The following NELL1 variants were observed in gnomAD, a reference collection of about 807,000 sequenced individuals.
The protein encoded by NELL1 is protein kinase C-binding protein NELL1.
Under a neutral mutation model 107.4 loss-of-function variants are expected in NELL1, and 76 were observed. That is an observed-to-expected ratio of 0.71 (90% confidence interval 0.59 to 0.86). The LOEUF is 0.86. Among genes scored for constraint, NELL1 ranks in the 40% least tolerant of loss-of-function variants. NELL1 has a pLI of 0.00. For synonymous variants in NELL1, 353 were observed against 341.2 expected, an observed-to-expected ratio of 1.03 and a Z score of -0.38; for missense variants, 1,024 against 1,005.5, an observed-to-expected ratio of 1.02 and a Z score of -0.25.
At chr11:20,938,850 A>T (rs1361208700) in intron 10 of NELL1, among the ~76,000 whole-genome samples, 1 of 151,836 alleles carries the variant, frequency 6.6e-6, no homozygotes, top group Non-Finnish European at 1.5e-5. Flanking sequence ...CAATGGACCT[A>T]GTTTGGACTT....
At chr11:21,554,802 G>A (rs1021099225) in intron 16 of NELL1, among the ~76,000 whole-genome samples, 1 of 151,810 alleles carries the variant, frequency 6.6e-6, no homozygotes, top group African/African-American at 2.4e-5. Context: ...ATAAATTGCA[G>A]GGATGGACTG....
chr11:21,392,614 G>A (rs11026063), intron 15 of NELL1, among the ~76,000 whole-genome samples: 78,350 of 151,528 alleles, frequency 0.52, 20,391 homozygotes, highest in South Asian at 0.61. Context: ...CCTTAGTTCT[G>A]AAACTGTTTC....
chr11:20,824,897 C>T (rs899707256), intron 3 of NELL1, among the ~76,000 whole-genome samples: 4 of 151,320 alleles, frequency 2.6e-5, no homozygotes, highest in Admixed American at 6.6e-5. Flanking sequence ...CAGCTGCAGA[C>T]ATTTGCATAA....
intron 4 of NELL1, among the ~76,000 whole-genome samples, chr11:20,854,854 A>G (rs540818009): frequency 1.3e-5 from 2 of 152,346 alleles, no homozygotes; most frequent in South Asian, 4.1e-4. Flanking sequence ...CTGAAGTAAA[A>G]GAAGCCTTGG....
At chr11:21,081,779 T>C (rs1854275582) in intron 12 of NELL1, among the ~76,000 whole-genome samples, 1 of 152,170 alleles carries the variant, frequency 6.6e-6, no homozygotes, top group Non-Finnish European at 1.5e-5. Context: ...TCCAATCTAA[T>C]GCAGCCAGAG....
intron 14 of NELL1, among the ~76,000 whole-genome samples, chr11:21,337,756 C>G (rs1184389229): frequency 7.1e-6 from 1 of 141,752 alleles, no homozygotes; most frequent in Non-Finnish European, 1.5e-5. Context: ...TTCTTTCTTT[C>G]TTTCTTTCTT....
Position 21,272,090 on chromosome 11 carries a change from G to A in NELL1, c.1549+42636G>A, listed in dbSNP as rs146975704. The stretch of plus-strand genomic sequence containing the variant: ...GGGTGCAGTGCACCGAGCATGAGCC[G>A]AAGCAGGGCAAGGCATCGCCTCACC... On this transcript the variant is annotated intron_variant, in intron 14 of 19. Coordinates refer to ENST00000357134, the MANE Select transcript of NELL1 (RefSeq NM_006157.5). 5.2e-3 allele frequency among the ~76,000 whole-genome samples: 793 copies of A among 152,264 alleles called. 32 individuals are homozygous for A. In the East Asian group the frequency reaches 0.096, roughly 19 times the overall value.
intron 3 of NELL1, among the ~76,000 whole-genome samples, chr11:20,809,022 A>C (rs1277154779): frequency 6.6e-6 from 1 of 151,772 alleles, no homozygotes; most frequent in Non-Finnish European, 1.5e-5. Context: ...ATAGCTATTA[A>C]ATTTGGTGTT....
At chr11:20,888,204 G>A (rs373551130) in intron 5 of NELL1, among the ~76,000 whole-genome samples, 1 of 151,934 alleles carries the variant, frequency 6.6e-6, no homozygotes, top group East Asian at 1.9e-4. Flanking sequence ...GGAAAATATT[G>A]TTAAAATAAT....
intron 14 of NELL1, among the ~76,000 whole-genome samples, chr11:21,229,716 G>A (rs1309260835): frequency 6.6e-6 from 1 of 152,188 alleles, no homozygotes; most frequent in East Asian, 1.9e-4. Context: ...TTGCCTGTTG[G>A]CATGAGTTTG....
intron 2 of NELL1, among the ~76,000 whole-genome samples, chr11:20,738,747 A>T (rs1339998354): frequency 1.3e-5 from 2 of 152,180 alleles, no homozygotes; most frequent in African/African-American, 4.8e-5. Flanking sequence ...CAATGAGGTA[A>T]TGCCTGGGGA....
rs546478198 is a variant in NELL1, at chr11:20,878,281, C to A, written c.507-7163C>A. Among the ~76,000 whole-genome samples, 651 of 142,246 alleles carry A rather than the reference C, an allele frequency of 4.6e-3. 3 individuals are homozygous for A. The highest frequency in any genetic ancestry group is 6.3e-3 in the Non-Finnish European group (416 of 66,416). 93.3% of individuals were successfully genotyped at this position (142,246 alleles called of 152,430 possible). ...AGGCTGAGGCAGGAAATGGTGTGAA[C>A]CCGTGAGGTGGAGCTTGCAGTGAGC... On this transcript the variant is annotated intron_variant, in intron 4 of 19. Coordinates refer to ENST00000357134, the MANE Select transcript of NELL1 (RefSeq NM_006157.5).
At chr11:20,741,452 A>T (rs989467145) in intron 2 of NELL1, among the ~76,000 whole-genome samples, 1 of 152,162 alleles carries the variant, frequency 6.6e-6, no homozygotes, top group Non-Finnish European at 1.5e-5. Flanking sequence ...TTGTGATTAA[A>T]CTGACCTCCA....
chr11:21,257,355 A>T (rs1376159400), intron 14 of NELL1, among the ~76,000 whole-genome samples: 2 of 152,052 alleles, frequency 1.3e-5, no homozygotes, highest in Admixed American at 6.6e-5. Flanking sequence ...AAATGTAGTT[A>T]GGATTTTATG....
At chr11:21,527,911 T>C (rs1376824590) in intron 15 of NELL1, among the ~76,000 whole-genome samples, 1 of 152,194 alleles carries the variant, frequency 6.6e-6, no homozygotes, top group Non-Finnish European at 1.5e-5. Context: ...TAGATGGTGC[T>C]CACCCAGATT....
At chr11:20,871,932 T>C (rs796694400) in intron 4 of NELL1, among the ~76,000 whole-genome samples, 3 of 138,246 alleles carry the variant, frequency 2.2e-5, no homozygotes, top group African/African-American at 8.0e-5. Flanking sequence ...GGTGGGAGAA[T>C]GGCATGAACC....
chr11:20,734,300 G>A (rs2133925805), intron 2 of NELL1, among the ~76,000 whole-genome samples: 1 of 152,280 alleles, frequency 6.6e-6, no homozygotes, highest in African/African-American at 2.4e-5. Context: ...TGTTTTCCAT[G>A]GGTGGGAAGC....
At chr11:21,222,937 T>C (rs1857796230) in intron 13 of NELL1, among the ~76,000 whole-genome samples, 1 of 152,218 alleles carries the variant, frequency 6.6e-6, no homozygotes, top group African/African-American at 2.4e-5. Flanking sequence ...TTTTGGAAAT[T>C]TGTTTAGACT....
At chr11:20,998,930 T>C (rs535037319) in intron 12 of NELL1, among the ~76,000 whole-genome samples, 3 of 152,320 alleles carry the variant, frequency 2.0e-5, no homozygotes, top group South Asian at 4.1e-4. Flanking sequence ...ACATTTTCAA[T>C]AGGAATCAGA....
Sources: allele counts gnomAD v4.1 joint callset (sites outside exome capture counted in the v4.1 genomes callset), GRCh38; gene constraint gnomAD v4.1.1; transcripts MANE v1.5; gene names NCBI Gene and HGNC (gene_info 2026-07-23, HGNC 2026-07-21).